Variants in RBMS1 observed in about 807,000 individuals in gnomAD.
RBMS1 encodes the protein RNA-binding motif, single-stranded-interacting protein 1.
A neutral mutation model predicts 62.3 loss-of-function variants in RBMS1; 17 were observed. That is an observed-to-expected ratio of 0.27 (90% CI 0.19 to 0.41). RBMS1 has a LOEUF of 0.41. Ranked by LOEUF, RBMS1 falls within the 10% of genes least tolerant of loss-of-function variation. The pLI is 1.00. For missense variants in RBMS1, 334 were observed against 504.5 expected, an observed-to-expected ratio of 0.66 and a Z score of 3.24; for synonymous variants, 172 against 170.0, an observed-to-expected ratio of 1.01 and a Z score of -0.09.
At chr2:160,317,678 T>C (rs1249728386) in intron 3 of RBMS1, among the ~76,000 whole-genome samples, 1 of 152,204 alleles carries the variant, frequency 6.6e-6, no homozygotes, top group Non-Finnish European at 1.5e-5. Flanking sequence ...CTGCCAATAT[T>C]GTCAACAGGC....
intron 4 of RBMS1, among the ~76,000 whole-genome samples, chr2:160,305,278 A>G (rs933524387): frequency 6.6e-6 from 1 of 152,208 alleles, no homozygotes; most frequent in Non-Finnish European, 1.5e-5. Context: ...ATCCAGAGCA[A>G]CTTCCAGTCC....
chr2:160,292,125 C>A (rs4535002), intron 6 of RBMS1, among the ~76,000 whole-genome samples: 1 of 152,138 alleles, frequency 6.6e-6, no homozygotes, highest in East Asian at 1.9e-4. Flanking sequence ...CCAGTGCCAA[C>A]TGCTATAGTG....
At chr2:160,388,559 C>T (rs1178983576) in intron 1 of RBMS1, among the ~76,000 whole-genome samples, 1 of 152,150 alleles carries the variant, frequency 6.6e-6, no homozygotes, top group African/African-American at 2.4e-5. Flanking sequence ...CCGTGTCACT[C>T]CCAAAGCAGC....
At chr2:160,444,296 C>T (rs1683549354) in intron 1 of RBMS1, among the ~76,000 whole-genome samples, 1 of 152,140 alleles carries the variant, frequency 6.6e-6, no homozygotes, top group Non-Finnish European at 1.5e-5. Flanking sequence ...TACTCTGAAT[C>T]CTGATGCCAA....
chr2:160,322,201 C>T (rs1690598679), intron 2 of RBMS1, among the ~76,000 whole-genome samples: 1 of 152,146 alleles, frequency 6.6e-6, no homozygotes, highest in African/African-American at 2.4e-5. Context: ...ACAAAAAGCT[C>T]ATACAAGTTT....
In RBMS1 at chr2:160,303,550, C is replaced by T. The variant is rs542424583; in HGVS notation, c.403-63G>A. The T allele has an allele frequency of 4.0e-6, 6 of 1,501,698 alleles. No individual in the cohort carries two copies. In the African/African-American group the frequency reaches 7.0e-5, roughly 18 times the overall value. The allele number at this position is 1,501,698 out of a possible 1,614,324, so 93.0% of individuals were successfully genotyped here. On this transcript the variant is annotated intron_variant, in intron 4 of 13. Coordinates refer to ENST00000348849, the MANE Select transcript of RBMS1 (RefSeq NM_016836.4). ...AGAAGGTGAGATATTTATGTTAACACACCTATTTTTATTAGCTACTTTCTT... is the reference window on the plus strand; with the variant it reads ...AGAAGGTGAGATATTTATGTTAACATACCTATTTTTATTAGCTACTTTCTT...
intron 9 of RBMS1, 177 bp downstream of exon 9, chr2:160,284,598 C>T (rs927667291): frequency 3.3e-5 from 20 of 611,814 alleles, no homozygotes; most frequent in Non-Finnish European, 5.3e-5. Flanking sequence ...TTTACATTCT[C>T]CTATACATAA....
At position 160,443,793 on chromosome 2, in the gene RBMS1, GCTTT is replaced by G. The variant is rs577613480; in HGVS notation, c.75+49492_75+49495del. 7.9e-5 allele frequency among the ~76,000 whole-genome samples: 12 copies of G among 152,310 alleles called. 1 individual carries two copies. In the South Asian group the frequency reaches 2.5e-3, roughly 32 times the overall value. On this transcript the variant is annotated intron_variant, in intron 1 of 13. Transcript: ENST00000348849. Reference sequence around the variant, plus strand: ...ATGCAAGAATGGCCTAGCACAGTGTGCTTTCTGTCACATTTTAATTCAAATTCCA... The same window carrying G: ...ATGCAAGAATGGCCTAGCACAGTGTGCTGTCACATTTTAATTCAAATTCCA...
At chr2:160,434,949 G>A (rs1683053416) in intron 1 of RBMS1, among the ~76,000 whole-genome samples, 1 of 152,166 alleles carries the variant, frequency 6.6e-6, no homozygotes, top group South Asian at 2.1e-4. Flanking sequence ...TCCCAGGGCA[G>A]AAAAGACAAG....
At chr2:160,415,657 G>A (rs1166201574) in intron 1 of RBMS1, among the ~76,000 whole-genome samples, 7 of 152,126 alleles carry the variant, frequency 4.6e-5, no homozygotes, top group African/African-American at 1.2e-4. Flanking sequence ...ATTGCAAAAG[G>A]TTATTTAATA....
At chr2:160,481,494 T>C (rs947544422) in intron 1 of RBMS1, among the ~76,000 whole-genome samples, 3 of 151,840 alleles carry the variant, frequency 2.0e-5, no homozygotes, top group Non-Finnish European at 1.5e-5. Flanking sequence ...AAACTATCAA[T>C]CAGAGAGTAA....
At chr2:160,355,016 C>A (rs879570088) in intron 2 of RBMS1, among the ~76,000 whole-genome samples, 2 of 152,088 alleles carry the variant, frequency 1.3e-5, no homozygotes, top group Admixed American at 1.3e-4. Flanking sequence ...CACGAAATTT[C>A]GTCTCAAAAG....
chr2:160,404,150 C>A (rs1695574973), intron 1 of RBMS1, among the ~76,000 whole-genome samples: 1 of 152,146 alleles, frequency 6.6e-6, no homozygotes, highest in East Asian at 1.9e-4. Context: ...TTGAACCAAT[C>A]ATCTTTATTT....
chr2:160,285,127 T>C (rs1559319173), intron 7 of RBMS1, 83 bp from the exon 8 acceptor site: 12 of 1,349,570 alleles, frequency 8.9e-6, no homozygotes, highest in Non-Finnish European at 1.3e-5. Flanking sequence ...TGTGGTGGTG[T>C]GCACCTGTAG....
intron 1 of RBMS1, among the ~76,000 whole-genome samples, chr2:160,463,512 G>A (rs536090491): frequency 5.9e-5 from 9 of 152,160 alleles, no homozygotes; most frequent in Admixed American, 1.3e-4. Flanking sequence ...GGCCGGGCGC[G>A]GTGGCTCAGG....
At chr2:160,374,949 G>A (rs1163588733) in intron 1 of RBMS1, among the ~76,000 whole-genome samples, 1 of 151,818 alleles carries the variant, frequency 6.6e-6, no homozygotes, top group African/African-American at 2.4e-5. Context: ...GACGGTGGGG[G>A]GGAGGAATTG....
At chr2:160,457,633 A>G (rs1339715104) in intron 1 of RBMS1, among the ~76,000 whole-genome samples, 1 of 152,248 alleles carries the variant, frequency 6.6e-6, no homozygotes, top group Non-Finnish European at 1.5e-5. Flanking sequence ...ATTGGATAAT[A>G]TTACAGATTC....
intron 1 of RBMS1, among the ~76,000 whole-genome samples, chr2:160,448,794 A>C (rs1206688809): frequency 2.4e-5 from 3 of 127,590 alleles, no homozygotes; most frequent in Non-Finnish European, 3.3e-5. Context: ...CCAGCCACCC[A>C]GTCTGGGAAG....
intron 2 of RBMS1, among the ~76,000 whole-genome samples, chr2:160,342,174 TAATCTA>T (rs1223783021): frequency 6.6e-6 from 1 of 152,188 alleles, no homozygotes; most frequent in Non-Finnish European, 1.5e-5. Context: ...GAGTATCCAA[TAATCTA>T]AATCTATGTT....
Sources: gnomAD v4.1 joint callset for allele counts (sites outside exome capture counted in the v4.1 genomes callset) on GRCh38, gnomAD v4.1.1 for gene constraint, MANE v1.5 for transcripts, NCBI Gene and HGNC (gene_info 2026-07-23, HGNC 2026-07-21) for gene names.